Variants in TRPM3 observed in about 807,000 individuals in gnomAD.
TRPM3 encodes transient receptor potential cation channel subfamily M member 3.
Under a neutral mutation model 181.2 loss-of-function variants are expected in TRPM3, and 77 were observed. That is an observed-to-expected ratio of 0.42 (90% CI 0.35 to 0.51). The LOEUF (loss-of-function observed/expected upper bound fraction) is 0.51, where lower values mean the gene tolerates loss of function less well. TRPM3 is among the 20% of genes least tolerant of loss of function. The pLI is 0.01. For synonymous variants in TRPM3, 745 were observed against 796.4 expected, an observed-to-expected ratio of 0.94 and a Z score of 1.09; for missense variants, 1,759 against 2,196.7, an observed-to-expected ratio of 0.80 and a Z score of 3.98.
chr9:70,895,778 A>G (rs961041553), intron 1 of TRPM3, among the ~76,000 whole-genome samples: 3 of 152,290 alleles, frequency 2.0e-5, no homozygotes, highest in Admixed American at 6.5e-5. Flanking sequence ...CTTACAAAAA[A>G]AAGAGACCAC....
chr9:70,960,324 T>C (rs1420506116), intron 1 of TRPM3, among the ~76,000 whole-genome samples: 2 of 152,174 alleles, frequency 1.3e-5, no homozygotes, highest in Non-Finnish European at 2.9e-5. Context: ...TTGCTTGTTA[T>C]GAAGTCCCTT....
chr9:70,749,482 A>G (rs1189290853), intron 8 of TRPM3, among the ~76,000 whole-genome samples: 2 of 152,140 alleles, frequency 1.3e-5, no homozygotes, highest in African/African-American at 4.8e-5. Context: ...ACCAATAAAT[A>G]CTCAATAACT....
chr9:71,168,045 A>G (rs948912807), intron 1 of TRPM3, among the ~76,000 whole-genome samples: 3 of 152,224 alleles, frequency 2.0e-5, no homozygotes, highest in African/African-American at 7.2e-5. Flanking sequence ...AGAGAATACA[A>G]AATGGCTTGC....
rs1483861136 is a variant in TRPM3, at chr9:70,531,586, A to T, written c.*4367T>A. On this transcript the variant is annotated 3_prime_UTR_variant, in exon 26 of 26. Transcript: ENST00000677713. ...AGTTATAATGCAATATCTAGGCCAA[A>T]TATATAACCACCTACACACTAGTAT... 5.3e-5 allele frequency: 8 copies of T among 152,224 alleles called. No individual in the cohort carries two copies. The highest frequency in any genetic ancestry group is 1.4e-4 in the African/African-American group (6 of 41,470). 9.4% of individuals were successfully genotyped at this position (152,224 alleles called of 1,614,324 possible).
chr9:71,039,175 T>C (rs1302489176), intron 1 of TRPM3, among the ~76,000 whole-genome samples: 2 of 152,204 alleles, frequency 1.3e-5, no homozygotes, highest in Non-Finnish European at 2.9e-5. Context: ...CAATGGACTC[T>C]GAAATCAGAC....
chr9:71,257,807 A>T (rs150187835), intron 1 of TRPM3, among the ~76,000 whole-genome samples: 33 of 152,338 alleles, frequency 2.2e-4, no homozygotes, highest in Admixed American at 1.9e-3. Context: ...GTCATCTCAC[A>T]GTTAATATCC....
intron 25 of TRPM3, among the ~76,000 whole-genome samples, chr9:70,537,989 T>C (rs1011946511): frequency 6.6e-6 from 1 of 152,258 alleles, no homozygotes; most frequent in African/African-American, 2.4e-5. Flanking sequence ...TTGTTATTCA[T>C]GATAATCTTT....
At chr9:71,243,415 G>C (rs1304645146) in intron 1 of TRPM3, among the ~76,000 whole-genome samples, 1 of 152,200 alleles carries the variant, frequency 6.6e-6, no homozygotes, top group Non-Finnish European at 1.5e-5. Flanking sequence ...TCCTGGAAGA[G>C]TGTCTTCCTG....
chr9:70,550,395 A>C (rs2046190128), intron 24 of TRPM3, among the ~76,000 whole-genome samples: 1 of 152,252 alleles, frequency 6.6e-6, no homozygotes, highest in Admixed American at 6.5e-5. Context: ...AGCCTAAAAA[A>C]TAGAAGGAAT....
intron 5 of TRPM3, chr9:70,842,798 T>A: frequency 1.9e-6 from 1 of 525,020 alleles, no homozygotes; most frequent in Non-Finnish European, 3.3e-6. Flanking sequence ...GGACCTTTCT[T>A]GATCATAAGA....
intron 1 of TRPM3, among the ~76,000 whole-genome samples, chr9:70,919,678 G>A (rs2096635338): frequency 6.6e-6 from 1 of 151,804 alleles, no homozygotes; most frequent in African/African-American, 2.4e-5. Flanking sequence ...CAGCTACTTG[G>A]GAAGCTGAGG....
chr9:70,602,108 T>TTTTTTTC (rs1175981931), intron 20 of TRPM3, among the ~76,000 whole-genome samples: 1 of 146,022 alleles, frequency 6.8e-6, no homozygotes, highest in Non-Finnish European at 1.5e-5. Flanking sequence ...AGGCATTCCT[T>TTTTTTTC]TTTTTTTTTT....
intron 1 of TRPM3, among the ~76,000 whole-genome samples, chr9:71,425,746 A>G (rs888323656): frequency 6.6e-6 from 1 of 152,172 alleles, no homozygotes; most frequent in Admixed American, 6.6e-5. Context: ...CCCATCATGC[A>G]TAGAATAAAG....
intron 1 of TRPM3, among the ~76,000 whole-genome samples, chr9:70,974,868 T>C (rs2097287587): frequency 7.0e-6 from 1 of 143,008 alleles, no homozygotes; most frequent in Non-Finnish European, 1.5e-5. Context: ...CATCAATTTT[T>C]TTTTTTTTTT....
intron 5 of TRPM3, among the ~76,000 whole-genome samples, chr9:70,829,773 A>T (rs1200193768): frequency 1.3e-5 from 2 of 152,166 alleles, no homozygotes; most frequent in African/African-American, 4.8e-5. Flanking sequence ...ATTGCGTAAG[A>T]GTCCCCCGAA....
Position 70,532,055 on chromosome 9 carries a change from C to T in TRPM3, c.*3898G>A, listed in dbSNP as rs373591735. ...TTAATACAACCACATGCTACAACTA[C>T]GCTGGGTTAAACATGGGTTACATAC... On this transcript the variant is annotated 3_prime_UTR_variant, in exon 26 of 26. Coordinates refer to ENST00000677713, the MANE Select transcript of TRPM3 (RefSeq NM_001366145.2). The T allele has an allele frequency of 3.9e-5, 6 of 152,302 alleles. No homozygotes were observed. The highest frequency in any genetic ancestry group is 2.1e-4 in the South Asian group (1 of 4,826). 9.4% of individuals were successfully genotyped at this position (152,302 alleles called of 1,614,324 possible). A position where few individuals can be genotyped will look rare whatever the true frequency, so the allele number is the denominator to read the frequency against.
chr9:71,318,282 G>C (rs1474270007), intron 1 of TRPM3, among the ~76,000 whole-genome samples: 1 of 152,100 alleles, frequency 6.6e-6, no homozygotes. Flanking sequence ...ATATAATCAT[G>C]TTCCATGAAT....
intron 1 of TRPM3, among the ~76,000 whole-genome samples, chr9:71,318,606 G>A (rs1225498885): frequency 2.0e-5 from 3 of 151,978 alleles, no homozygotes; most frequent in Non-Finnish European, 4.4e-5. Flanking sequence ...TAACTATCTC[G>A]CTCTAATGGT....
intron 1 of TRPM3, among the ~76,000 whole-genome samples, chr9:71,437,343 G>A (rs560756293): frequency 6.6e-6 from 1 of 152,202 alleles, no homozygotes; most frequent in South Asian, 2.1e-4. Flanking sequence ...TCCATTATCA[G>A]TTTTTCTTAG....
Sources: allele counts gnomAD v4.1 joint callset (sites outside exome capture counted in the v4.1 genomes callset), GRCh38; gene constraint gnomAD v4.1.1; transcripts MANE v1.5; gene names NCBI Gene and HGNC (gene_info 2026-07-23, HGNC 2026-07-21).